Variants in LINGO2 observed in about 807,000 individuals in gnomAD.
LINGO2 encodes the protein leucine-rich repeat and immunoglobulin-like domain-containing nogo receptor-interacting protein 2.
Under a neutral mutation model 30.6 loss-of-function variants are expected in LINGO2, and 14 were observed. The observed-to-expected ratio is 0.46, with a 90% CI of 0.30 to 0.72. The LOEUF is 0.72. LINGO2 is among the 30% of genes least tolerant of loss of function. The pLI is 0.07. For synonymous variants in LINGO2, 317 were observed against 288.5 expected (o/e 1.10, Z -1.00); for missense variants, 729 against 751.7 (o/e 0.97, Z 0.35).
intron 3 of LINGO2, among the ~76,000 whole-genome samples, chr9:28,330,788 C>T (rs780741618): frequency 5.3e-5 from 8 of 152,066 alleles, no homozygotes; most frequent in South Asian, 2.1e-4. Flanking sequence ...ACTCTTCTCC[C>T]GTTCTCACCT....
chr9:28,371,945 G>A (rs1272436306), intron 3 of LINGO2, among the ~76,000 whole-genome samples: 1 of 152,144 alleles, frequency 6.6e-6, no homozygotes, highest in Non-Finnish European at 1.5e-5. Flanking sequence ...AAGTGCTGGA[G>A]CAAGGGGTAG....
At chr9:28,111,040 G>A (rs907541536) in intron 4 of LINGO2, among the ~76,000 whole-genome samples, 1 of 152,146 alleles carries the variant, frequency 6.6e-6, no homozygotes, top group African/African-American at 2.4e-5. Context: ...TATATATCAT[G>A]GAATACTATG....
intron 4 of LINGO2, among the ~76,000 whole-genome samples, chr9:28,081,718 T>C (rs529830753): frequency 6.6e-6 from 1 of 152,294 alleles, no homozygotes; most frequent in South Asian, 2.1e-4. Context: ...TGCTGTAAAA[T>C]GGGAAATGCA....
chr9:28,168,492 T>C (rs756402025), intron 4 of LINGO2, among the ~76,000 whole-genome samples: 1 of 151,946 alleles, frequency 6.6e-6, no homozygotes, highest in Non-Finnish European at 1.5e-5. Context: ...TTCATGTGTT[T>C]GTTAAGGAGC....
intron 1 of LINGO2, among the ~76,000 whole-genome samples, chr9:28,571,701 A>G (rs1448201968): frequency 6.6e-6 from 1 of 151,956 alleles, no homozygotes; most frequent in East Asian, 1.9e-4. Flanking sequence ...ACATTTTAAA[A>G]TGTCCTAGTT....
chr9:28,939,563 T>A, the LINGO2 span, among the ~76,000 whole-genome samples: 1 of 152,184 alleles, frequency 6.6e-6, no homozygotes, highest in Non-Finnish European at 1.5e-5. Flanking sequence ...CTATATGATA[T>A]TTCCTAATAT....
At chr9:28,590,695 T>C (rs966505080) in intron 1 of LINGO2, among the ~76,000 whole-genome samples, 18 of 152,168 alleles carry the variant, frequency 1.2e-4, no homozygotes, top group Admixed American at 4.6e-4. Context: ...TAGGAACACT[T>C]TTACACTGTT....
intron 2 of LINGO2, among the ~76,000 whole-genome samples, chr9:28,430,440 C>G (rs1254884902): frequency 1.3e-5 from 2 of 152,194 alleles, no homozygotes; most frequent in Admixed American, 6.5e-5. Context: ...ATACACCATA[C>G]TGTTTCACTT....
At chr9:28,802,141 C>T in the LINGO2 span, among the ~76,000 whole-genome samples, 5 of 151,814 alleles carry the variant, frequency 3.3e-5, no homozygotes, top group Non-Finnish European at 1.5e-5. Context: ...TTCTAGTTTA[C>T]CTTCTAGAAT....
chr9:27,990,770 ATAC>A (rs1186769627), intron 5 of LINGO2, among the ~76,000 whole-genome samples: 2 of 152,054 alleles, frequency 1.3e-5, no homozygotes, highest in Non-Finnish European at 2.9e-5. Context: ...CCACTCTGAT[ATAC>A]TACATCATCT....
At chr9:28,496,063 G>A (rs547082720) in intron 1 of LINGO2, among the ~76,000 whole-genome samples, 2 of 151,498 alleles carry the variant, frequency 1.3e-5, no homozygotes, top group South Asian at 4.2e-4. Context: ...ATTTGCTGAG[G>A]AGTGCTTTAC....
At chr9:28,733,047 T>A in the LINGO2 span, among the ~76,000 whole-genome samples, 3 of 152,196 alleles carry the variant, frequency 2.0e-5, no homozygotes, top group Non-Finnish European at 4.4e-5. Flanking sequence ...TACTTCCAGA[T>A]AAGAAATACT....
At chr9:29,116,345 T>A in the LINGO2 span, among the ~76,000 whole-genome samples, 1 of 152,072 alleles carries the variant, frequency 6.6e-6, no homozygotes, top group East Asian at 1.9e-4. Context: ...ATGTCTTTGT[T>A]CAACAAATTT....
Position 28,325,884 on chromosome 9 carries a change from C to T in LINGO2, c.-245-30518G>A, listed in dbSNP as rs116906898. Among the ~76,000 whole-genome samples the T allele has an allele frequency of 1.1e-4, 16 of 152,304 alleles. No individual in the cohort carries two copies. The East Asian group carries it at 1.7e-3, about 17-fold the overall frequency. ...ACACCAGGGCTTAAAAACTCTCCCA[C>T]ATTTTATTTAAACAGAGTTGAGCTC... On this transcript the variant is annotated intron_variant, in intron 3 of 5. Transcript: ENST00000379992.
intron 2 of LINGO2, among the ~76,000 whole-genome samples, chr9:28,433,421 G>T (rs183360845): frequency 6.6e-6 from 1 of 152,124 alleles, no homozygotes; most frequent in Non-Finnish European, 1.5e-5. Context: ...AAGCAGATAA[G>T]TAAGAAACGT....
intron 4 of LINGO2, among the ~76,000 whole-genome samples, chr9:28,101,655 G>C (rs371137366): frequency 5.9e-5 from 9 of 152,098 alleles, no homozygotes; most frequent in African/African-American, 2.2e-4. Context: ...GAATGCCCAC[G>C]GACAAGGGAA....
At chr9:28,771,185 TC>T in the LINGO2 span, among the ~76,000 whole-genome samples, 1 of 152,110 alleles carries the variant, frequency 6.6e-6, no homozygotes, top group African/African-American at 2.4e-5. Flanking sequence ...AGTCGTAAGA[TC>T]CCACATCTGA....
chr9:28,792,271 A>T, the LINGO2 span, among the ~76,000 whole-genome samples: 17 of 151,966 alleles, frequency 1.1e-4, no homozygotes, highest in Non-Finnish European at 2.5e-4. Context: ...CTTCACCTCC[A>T]CTCTTAAAGA....
chr9:28,812,157 G>C, the LINGO2 span, among the ~76,000 whole-genome samples: 2 of 151,450 alleles, frequency 1.3e-5, no homozygotes, highest in Non-Finnish European at 2.9e-5. Flanking sequence ...ATACATCTTT[G>C]CTAGAAAAGT....
Sources: gnomAD v4.1 joint callset for allele counts (sites outside exome capture counted in the v4.1 genomes callset) on GRCh38, gnomAD v4.1.1 for gene constraint, MANE v1.5 for transcripts, NCBI Gene and HGNC (gene_info 2026-07-23, HGNC 2026-07-21) for gene names.